UBE3D: variants seen among roughly 807,000 people sequenced by gnomAD.
UBE3D encodes E3 ubiquitin-protein ligase E3D.
In UBE3D, 48 loss-of-function variants were observed where a neutral mutation model predicts 49.6. That is an observed-to-expected ratio of 0.97 (90% CI 0.77 to 1.23). The LOEUF is 1.23. UBE3D is among the 50% of genes most tolerant of loss of function. The pLI is 0.00. For synonymous variants in UBE3D, 189 were observed against 174.2 expected, an observed-to-expected ratio of 1.08 and a Z score of -0.67; for missense variants, 452 against 468.4, an observed-to-expected ratio of 0.96 and a Z score of 0.32.
intron 8 of UBE3D, among the ~76,000 whole-genome samples, chr6:82,963,357 T>G (rs1244205326): frequency 2.0e-5 from 3 of 152,190 alleles, no homozygotes; most frequent in Non-Finnish European, 2.9e-5. Flanking sequence ...CATTTGCAAC[T>G]CTGCCCATGA....
In UBE3D at chr6:83,050,328, T is replaced by C. The variant is rs551709717; in HGVS notation, c.365+3820A>G. ...AAGTACATGAAACCCCAAATACAAA[T>C]GAGGTTCATTGATCAGGTAATTTTC... On this transcript the variant is annotated intron_variant, in intron 3 of 9. Transcript: ENST00000369747. Among the ~76,000 whole-genome samples, 203 of 151,910 alleles carry C rather than the reference T, an allele frequency of 1.3e-3. 1 individual carries two copies. The highest frequency in any genetic ancestry group is 4.7e-3 in the African/African-American group (196 of 41,442).
chr6:82,921,765 A>G (rs925306609), intron 9 of UBE3D, among the ~76,000 whole-genome samples: 1 of 152,194 alleles, frequency 6.6e-6, no homozygotes, highest in Non-Finnish European at 1.5e-5. Flanking sequence ...CAGGCCTTGA[A>G]GAACCCTCCC....
the UBE3D span, among the ~76,000 whole-genome samples, chr6:82,887,184 T>C: frequency 2.7e-5 from 4 of 150,190 alleles, no homozygotes; most frequent in African/African-American, 9.8e-5. Flanking sequence ...AAAAGCTGGG[T>C]GTGGTGGCAG....
At chr6:82,963,789 AC>A (rs1335237472) in intron 8 of UBE3D, among the ~76,000 whole-genome samples, 1 of 152,070 alleles carries the variant, frequency 6.6e-6, no homozygotes, top group African/African-American at 2.4e-5. Context: ...TCATCCTTCA[AC>A]CCAACTGAGT....
At chr6:83,044,303 T>C in intron 4 of UBE3D, 125 bp downstream of exon 4, 1 of 867,842 alleles carries the variant, frequency 1.2e-6, no homozygotes, top group East Asian at 2.5e-5. Context: ...GCGATGACAG[T>C]TGAAAATAAT....
At chr6:82,923,417 G>C (rs797012089) in intron 9 of UBE3D, among the ~76,000 whole-genome samples, 8 of 152,322 alleles carry the variant, frequency 5.3e-5, no homozygotes, top group African/African-American at 1.4e-4. Context: ...CAGGCACACA[G>C]ATGAAGCTAG....
intron 9 of UBE3D, among the ~76,000 whole-genome samples, chr6:82,946,280 T>C (rs561441304): frequency 1.3e-5 from 2 of 151,590 alleles, no homozygotes; most frequent in African/African-American, 4.8e-5. Context: ...ACAAATAACA[T>C]ACAATGGAGA....
chr6:82,942,309 A>G (rs950579536), intron 9 of UBE3D, among the ~76,000 whole-genome samples: 8 of 152,226 alleles, frequency 5.3e-5, no homozygotes, highest in African/African-American at 1.9e-4. Context: ...ACTTATATTT[A>G]AAGGGGAAGC....
intron 8 of UBE3D, among the ~76,000 whole-genome samples, chr6:82,982,553 C>T (rs544089858): frequency 1.3e-5 from 2 of 152,152 alleles, no homozygotes; most frequent in Non-Finnish European, 2.9e-5. Context: ...CCAGTTGCAA[C>T]ATTATAGCAT....
intron 8 of UBE3D, among the ~76,000 whole-genome samples, chr6:83,014,904 T>C (rs1031308565): frequency 1.3e-5 from 2 of 152,208 alleles, no homozygotes; most frequent in African/African-American, 4.8e-5. Flanking sequence ...TCTCTGCTTA[T>C]ATAAATTAAG....
At chr6:82,973,408 G>A (rs1212911691) in intron 8 of UBE3D, among the ~76,000 whole-genome samples, 2 of 152,074 alleles carry the variant, frequency 1.3e-5, no homozygotes, top group African/African-American at 4.8e-5. Context: ...GCACTAAAAG[G>A]CATCTCCTCC....
chr6:83,019,142 G>C lies in UBE3D; in HGVS notation c.847-6C>G, dbSNP rs376063832. 1 of 1,607,854 alleles carries C rather than the reference G, an allele frequency of 6.2e-7. No homozygotes were observed. Among genetic ancestry groups the C allele is most frequent in the African/African-American group, 1.3e-5 (1 of 74,476 alleles). On this transcript the variant is annotated splice_region_variant and splice_polypyrimidine_tract_variant and intron_variant, in intron 7 of 9. Transcript: ENST00000369747. Reference sequence around the variant, plus strand: ...TCTGAATTTAAAAGCCATAGCTAAAGATGTGAAGAGAAAGTCCAAGTATAA... The same window carrying C: ...TCTGAATTTAAAAGCCATAGCTAAACATGTGAAGAGAAAGTCCAAGTATAA...
Position 83,006,624 on chromosome 6 carries a change from T to C in UBE3D, c.1010+12349A>G, listed in dbSNP as rs577124792. On this transcript the variant is annotated intron_variant, in intron 8 of 9. Transcript: ENST00000369747. Reference sequence around the variant, plus strand: ...CTTTTACCCTCTAAAATTAGACTTTTAGCCTCCAGAAAAAAATAAATGTCT... The same window carrying C: ...CTTTTACCCTCTAAAATTAGACTTTCAGCCTCCAGAAAAAAATAAATGTCT... Among the ~76,000 whole-genome samples the C allele has an allele frequency of 3.3e-5, 5 of 152,288 alleles. No homozygotes were observed. The South Asian group carries it at 1.0e-3, about 32-fold the overall frequency.
intron 9 of UBE3D, among the ~76,000 whole-genome samples, chr6:82,934,052 G>A (rs1231181409): frequency 1.3e-5 from 2 of 152,186 alleles, no homozygotes; most frequent in Non-Finnish European, 2.9e-5. Flanking sequence ...TGTCCTGGTA[G>A]GAGGTGATTG....
At chr6:82,981,450 A>G (rs1462753390) in intron 8 of UBE3D, among the ~76,000 whole-genome samples, 1 of 152,064 alleles carries the variant, frequency 6.6e-6, no homozygotes, top group Non-Finnish European at 1.5e-5. Flanking sequence ...CAGAATGCAA[A>G]GCATATGGCA....
intron 9 of UBE3D, among the ~76,000 whole-genome samples, chr6:82,938,002 C>T (rs1262908642): frequency 2.0e-5 from 3 of 152,148 alleles, no homozygotes; most frequent in Non-Finnish European, 1.5e-5. Context: ...CGCACACACA[C>T]ACACAACAAC....
intron 8 of UBE3D, among the ~76,000 whole-genome samples, chr6:83,004,612 A>T (rs528632954): frequency 1.1e-4 from 16 of 152,300 alleles, no homozygotes; most frequent in Admixed American, 3.9e-4. Flanking sequence ...TTTGTTTAAT[A>T]ATAATGTTCT....
chr6:83,032,601 G>C (rs1179104896), intron 5 of UBE3D, among the ~76,000 whole-genome samples: 1 of 152,134 alleles, frequency 6.6e-6, no homozygotes, highest in Non-Finnish European at 1.5e-5. Context: ...GGGATTGTTG[G>C]GAAGGCTTGG....
At chr6:82,995,051 G>C (rs554004369) in intron 8 of UBE3D, among the ~76,000 whole-genome samples, 1 of 152,244 alleles carries the variant, frequency 6.6e-6, no homozygotes, top group Non-Finnish European at 1.5e-5. Context: ...AGAAGGCAGG[G>C]AGAATCCCCT....
Sources: allele counts gnomAD v4.1 joint callset (sites outside exome capture counted in the v4.1 genomes callset), GRCh38; gene constraint gnomAD v4.1.1; transcripts MANE v1.5; gene names NCBI Gene and HGNC (gene_info 2026-07-23, HGNC 2026-07-21).